Variants in SV2C observed in about 807,000 individuals in gnomAD.
SV2C encodes synaptic vesicle glycoprotein 2C, also known as solute carrier family 22 member B3.
Under a neutral mutation model 79.7 loss-of-function variants are expected in SV2C, and 49 were observed. The ratio of observed to expected loss-of-function variants is 0.61; its 90% confidence interval spans 0.49 to 0.78. SV2C has a LOEUF of 0.78. Ranked by LOEUF, SV2C falls within the 30% of genes least tolerant of loss-of-function variation. The pLI is 0.00. For synonymous variants in SV2C, 334 were observed against 333.2 expected, an observed-to-expected ratio of 1.00 and a Z score of -0.03; for missense variants, 833 against 912.9, an observed-to-expected ratio of 0.91 and a Z score of 1.13.
At chr5:76,315,823 T>C (rs964612190) in intron 12 of SV2C, among the ~76,000 whole-genome samples, 10 of 152,156 alleles carry the variant, frequency 6.6e-5, no homozygotes, top group African/African-American at 2.2e-4. Flanking sequence ...AGCCTTTGGG[T>C]TGGATCCCTC....
intron 2 of SV2C, among the ~76,000 whole-genome samples, chr5:76,193,949 A>G (rs1213808823): frequency 2.0e-5 from 3 of 152,232 alleles, no homozygotes; most frequent in Admixed American, 2.0e-4. Context: ...TGAAAGTAGT[A>G]CCAGGGGCTG....
chr5:75,869,508 A>T, the SV2C span, among the ~76,000 whole-genome samples: 1 of 151,990 alleles, frequency 6.6e-6, no homozygotes, highest in East Asian at 1.9e-4. Context: ...CACCAGGTAG[A>T]CCCCTAAGAT....
At chr5:76,247,850 A>G (rs1446076545) in intron 4 of SV2C, among the ~76,000 whole-genome samples, 1 of 152,208 alleles carries the variant, frequency 6.6e-6, no homozygotes, top group Non-Finnish European at 1.5e-5. Flanking sequence ...ACAATATAAG[A>G]TTACATGCAT....
chr5:76,297,779 C>T (rs1022086389), intron 9 of SV2C, among the ~76,000 whole-genome samples: 1 of 152,102 alleles, frequency 6.6e-6, no homozygotes, highest in African/African-American at 2.4e-5. Context: ...TTTGAAAGTA[C>T]TCAATAGTTA....
chr5:75,914,475 GTTGTGT>G, the SV2C span, among the ~76,000 whole-genome samples: 1,259 of 152,230 alleles, frequency 8.3e-3, 22 homozygotes, highest in African/African-American at 0.029. Flanking sequence ...GAAGTAATAG[GTTGTGT>G]CCAGAAGCAT....
rs1198857915 is a variant in SV2C at position 76,330,379 on chromosome 5, A to T, written c.*4832A>T. 6.6e-6 allele frequency: 1 copy of T among 152,130 alleles called. No individual in the cohort carries two copies. The highest frequency in any genetic ancestry group is 1.5e-5 in the Non-Finnish European group (1 of 68,018). The allele number at this position is 152,130 out of a possible 1,614,324, so 9.4% of individuals were successfully genotyped here. ...GAAGAGCTGAGCCGAGCCTTCACTG[A>T]TCTCTTGTCATTTCATATGATTATC... On this transcript the variant is annotated 3_prime_UTR_variant, in exon 13 of 13. Transcript: ENST00000502798.
chr5:76,146,804 A>AAC (rs1749446055), intron 2 of SV2C, among the ~76,000 whole-genome samples: 1 of 148,086 alleles, frequency 6.8e-6, no homozygotes, highest in Non-Finnish European at 1.5e-5. Context: ...TTTTAAAAAA[A>AAC]AAAAAAAAAA....
At chr5:76,316,646 G>T (rs561981001) in intron 12 of SV2C, among the ~76,000 whole-genome samples, 16 of 152,214 alleles carry the variant, frequency 1.1e-4, no homozygotes, top group African/African-American at 3.6e-4. Context: ...AAGCCTTTAG[G>T]GGTGTGTCTA....
chr5:75,980,032 G>A, the SV2C span, among the ~76,000 whole-genome samples: 5 of 152,048 alleles, frequency 3.3e-5, no homozygotes, highest in Non-Finnish European at 7.4e-5. Context: ...ATATGATAAG[G>A]GAGATATTAC....
At chr5:75,860,766 T>C in the SV2C span, among the ~76,000 whole-genome samples, 1 of 152,066 alleles carries the variant, frequency 6.6e-6, no homozygotes, top group Non-Finnish European at 1.5e-5. Flanking sequence ...GAAGAGAGAA[T>C]GCAGAAATAA....
the SV2C span, among the ~76,000 whole-genome samples, chr5:76,008,507 G>A: frequency 1.3e-5 from 2 of 152,064 alleles, no homozygotes; most frequent in Admixed American, 6.6e-5. Flanking sequence ...TAAAATTGTG[G>A]AGTCATCCTG....
chr5:75,862,876 T>C, the SV2C span, among the ~76,000 whole-genome samples: 1 of 152,344 alleles, frequency 6.6e-6, no homozygotes, highest in Non-Finnish European at 1.5e-5. Context: ...TGGTTCATTT[T>C]GATCAGAACA....
chr5:75,938,917 C>A, the SV2C span, among the ~76,000 whole-genome samples: 1 of 152,086 alleles, frequency 6.6e-6, no homozygotes, highest in African/African-American at 2.4e-5. Flanking sequence ...CACTTCCTTT[C>A]TTGATTTGGG....
the SV2C span, among the ~76,000 whole-genome samples, chr5:75,963,462 G>A: frequency 6.6e-6 from 1 of 152,126 alleles, no homozygotes; most frequent in African/African-American, 2.4e-5. Context: ...ATTTTGGACA[G>A]AGGTTTTGTC....
the SV2C span, among the ~76,000 whole-genome samples, chr5:76,037,229 CCTT>C: frequency 3.9e-5 from 6 of 152,190 alleles, no homozygotes; most frequent in Non-Finnish European, 7.3e-5. Flanking sequence ...TCGTCTGAAG[CCTT>C]CTTCTCTCAG....
At chr5:76,296,671 G>A (rs1213084672) in intron 9 of SV2C, among the ~76,000 whole-genome samples, 1 of 152,140 alleles carries the variant, frequency 6.6e-6, no homozygotes, top group African/African-American at 2.4e-5. Context: ...TTAGGAAGTT[G>A]TCCCAATTTC....
chr5:76,092,703 T>C (rs914620650), intron 1 of SV2C, among the ~76,000 whole-genome samples: 7 of 152,202 alleles, frequency 4.6e-5, no homozygotes, highest in African/African-American at 7.2e-5. Flanking sequence ...GGATGGGAGA[T>C]TGGCATTTTT....
the SV2C span, among the ~76,000 whole-genome samples, chr5:76,069,399 ACT>A: frequency 6.6e-6 from 1 of 151,790 alleles, no homozygotes; most frequent in East Asian, 1.9e-4. Context: ...TCCATGTTGC[ACT>A]CTCTACCTTT....
At chr5:76,314,037 T>C (rs1009389043) in intron 12 of SV2C, among the ~76,000 whole-genome samples, 4 of 152,176 alleles carry the variant, frequency 2.6e-5, no homozygotes, top group African/African-American at 9.7e-5. Flanking sequence ...TAAAGGAAAT[T>C]ATCACCCAGA....
Sources: allele counts gnomAD v4.1 joint callset (sites outside exome capture counted in the v4.1 genomes callset), GRCh38; gene constraint gnomAD v4.1.1; transcripts MANE v1.5; gene names NCBI Gene and HGNC (gene_info 2026-07-23, HGNC 2026-07-21).